Variants in KDM6A observed in about 807,000 individuals in gnomAD.
KDM6A encodes lysine-specific demethylase 6A.
A neutral mutation model predicts 117.6 loss-of-function variants in KDM6A; 11 were observed. That is an observed-to-expected ratio of 0.09 (90% CI 0.06 to 0.15). The LOEUF is 0.15. Ranked by LOEUF, KDM6A falls within the 10% of genes least tolerant of loss-of-function variation. The pLI is 1.00. For missense variants in KDM6A, 799 were observed against 1,077.3 expected (o/e 0.74, Z 3.62); for synonymous variants, 384 against 396.1 (o/e 0.97, Z 0.36).
At chrX:45,029,234 A>G (rs995657951) in intron 6 of KDM6A, among the ~76,000 whole-genome samples, 19 of 110,653 alleles carry the variant, frequency 1.7e-4, no homozygotes, top group Non-Finnish European at 3.6e-4. Context: ...CAGGAGTTTG[A>G]GAGTTGCTTG....
rs368899185 is a variant in KDM6A at position 44,926,961 on chromosome X, A to G, written c.226-34323A>G. 2.3e-4 allele frequency among the ~76,000 whole-genome samples: 26 copies of G among 111,627 alleles called. No homozygotes were observed. The East Asian group carries it at 6.7e-3, about 29-fold the overall frequency. On this transcript the variant is annotated intron_variant, in intron 2 of 29. Coordinates refer to ENST00000611820, the MANE Select transcript of KDM6A (RefSeq NM_001291415.2). The stretch of plus-strand genomic sequence containing the variant: ...CCCAGTCTGTAAAATGAGAGAATAA[A>G]TAGTTACCTTGCGCAAGGGCTGTTG...
At chrX:44,896,393 A>G (rs183733266) in intron 2 of KDM6A, among the ~76,000 whole-genome samples, 129 of 111,332 alleles carry the variant, frequency 1.2e-3, no homozygotes, top group Middle Eastern at 4.6e-3. Flanking sequence ...AAATTTTCTT[A>G]AGTGTACTTA....
chrX:44,971,656 C>T (rs2039347860), intron 3 of KDM6A, among the ~76,000 whole-genome samples: 1 of 111,075 alleles, frequency 9.0e-6, no homozygotes, highest in Non-Finnish European at 1.9e-5. Flanking sequence ...ACAGAGGAGG[C>T]AGCCCTGAGC....
In KDM6A at chrX:45,111,421, A is replaced by G; in HGVS notation, c.*10A>G. On this transcript the variant is annotated 3_prime_UTR_variant, in exon 30 of 30. Coordinates refer to ENST00000611820, the MANE Select transcript of KDM6A (RefSeq NM_001291415.2). ...ATCCGCCTCATCTTGATATTGTTCC[A>G]TGGACATTAAATGAGACCTTTTCTG... The G allele has an allele frequency of 1.7e-6, 2 of 1,182,697 alleles. No homozygotes were observed. Among genetic ancestry groups the G allele is most frequent in the Non-Finnish European group, 2.3e-6 (2 of 869,941 alleles).
chrX:45,070,189 A>G lies in KDM6A; in HGVS notation c.2690A>G (p.Asn897Ser), dbSNP rs2148053912. Residue 897 changes from asparagine (N) to serine (S), a missense_variant, in exon 18 of 30, where the codon AAC becomes AGC. Around this residue, in one of 8 missense-constraint regions of KDM6A, gnomAD observed 291 missense variants for 437.9 expected, o/e 0.66. Coordinates refer to ENST00000611820, the MANE Select transcript of KDM6A (RefSeq NM_001291415.2). Reference protein sequence around the residue: ...QTTTNSVTSLNSPHSGLHTIN... With the variant: ...QTTTNSVTSLSSPHSGLHTIN... ...ACCACAAACAGTGTTACCAGCCTTA[A>G]CAGCCCTCACAGTGGGCTACACACA... is the stretch of plus-strand genomic sequence containing the variant. The G allele has an allele frequency of 8.3e-7, 1 of 1,211,382 alleles. No homozygotes were observed. The highest frequency in any genetic ancestry group is 3.0e-5 in the East Asian group (1 of 33,835).
chrX:44,901,402 A>G (rs893445097), intron 2 of KDM6A, among the ~76,000 whole-genome samples: 3 of 110,719 alleles, frequency 2.7e-5, no homozygotes, highest in African/African-American at 9.9e-5. Flanking sequence ...TAGTGGCCTA[A>G]CGTGGTTTGT....
chrX:45,003,394 CTTTTTTTTTT>C (rs397896934), intron 4 of KDM6A, among the ~76,000 whole-genome samples: 1 of 75,547 alleles, frequency 1.3e-5, no homozygotes, highest in Non-Finnish European at 2.5e-5. Context: ...AATTATCCTT[CTTTTTTTTTT>C]TTTTTTTTTT....
intron 27 of KDM6A, among the ~76,000 whole-genome samples, chrX:45,095,772 ACTTCT>A (rs1216212161): frequency 8.9e-6 from 1 of 111,830 alleles, no homozygotes; most frequent in East Asian, 2.8e-4. Flanking sequence ...TAAGCCCAAC[ACTTCT>A]CTTGTTGAGG....
chrX:44,998,951 G>A (rs2041000586), intron 4 of KDM6A, among the ~76,000 whole-genome samples: 1 of 111,667 alleles, frequency 9.0e-6, no homozygotes, highest in Admixed American at 9.5e-5. Flanking sequence ...AAGACCCGCA[G>A]TGGATGCCTG....
intron 4 of KDM6A, among the ~76,000 whole-genome samples, chrX:45,002,861 G>GCC (rs1169401246): frequency 2.0e-3 from 45 of 21,990 alleles, no homozygotes; most frequent in Admixed American, 3.4e-3. Flanking sequence ...TCCCCTCCCC[G>GCC]CCCCCCCCCC....
At chrX:45,002,082 A>G (rs2041171207) in intron 4 of KDM6A, among the ~76,000 whole-genome samples, 1 of 111,326 alleles carries the variant, frequency 9.0e-6, no homozygotes, top group Non-Finnish European at 1.9e-5. Flanking sequence ...AGTGGTCTTT[A>G]TAGCCCTTGG....
chrX:45,048,408 C>A (rs1464199452), intron 8 of KDM6A, among the ~76,000 whole-genome samples: 1 of 111,123 alleles, frequency 9.0e-6, no homozygotes, highest in Non-Finnish European at 1.9e-5. Flanking sequence ...GTAATGGCAG[C>A]AACTGAAATC....
chrX:45,034,076 A>G (rs189800365), intron 6 of KDM6A, among the ~76,000 whole-genome samples: 22 of 111,077 alleles, frequency 2.0e-4, no homozygotes, highest in African/African-American at 5.6e-4. Context: ...ATTTGAATAT[A>G]TATTTGTAGG....
At chrX:44,979,006 T>G (rs761401851) in intron 4 of KDM6A, among the ~76,000 whole-genome samples, 8 of 112,500 alleles carry the variant, frequency 7.1e-5, no homozygotes, top group Non-Finnish European at 1.3e-4. Flanking sequence ...TGGGTTGTTT[T>G]CAGCTTTTGG....
At chrX:44,988,279 C>G (rs2040360298) in intron 4 of KDM6A, among the ~76,000 whole-genome samples, 1 of 111,323 alleles carries the variant, frequency 9.0e-6, no homozygotes, top group Non-Finnish European at 1.9e-5. Flanking sequence ...AAGGACTGCT[C>G]TGCATTGGTT....
chrX:44,951,072 C>T (rs2037972511), intron 2 of KDM6A, among the ~76,000 whole-genome samples: 1 of 110,828 alleles, frequency 9.0e-6, no homozygotes, highest in East Asian at 2.8e-4. Flanking sequence ...TTGTATGACC[C>T]GACCCCGGCC....
intron 4 of KDM6A, among the ~76,000 whole-genome samples, chrX:45,005,996 CCCACCA>C: frequency 1.4e-5 from 1 of 69,775 alleles, no homozygotes; most frequent in African/African-American, 5.6e-5. Context: ...CCACCCACCA[CCCACCA>C]CCCACCACCC....
intron 6 of KDM6A, among the ~76,000 whole-genome samples, chrX:45,023,829 C>T (rs2042263820): frequency 9.0e-6 from 1 of 110,579 alleles, no homozygotes; most frequent in Admixed American, 9.7e-5. Flanking sequence ...AGTCCATTAT[C>T]TCATTCTTAT....
At chrX:45,025,538 AGT>A (rs113337435) in intron 6 of KDM6A, among the ~76,000 whole-genome samples, 11,456 of 111,876 alleles carry the variant, frequency 0.1, 553 homozygotes, top group Non-Finnish European at 0.15. Context: ...TATTTGAAGC[AGT>A]GTGCTACCAT....
Sources: allele counts gnomAD v4.1 joint callset (sites outside exome capture counted in the v4.1 genomes callset), GRCh38; gene constraint gnomAD v4.1.1; regional missense constraint gnomAD v4.1.1; transcripts MANE v1.5; gene names NCBI Gene and HGNC (gene_info 2026-07-23, HGNC 2026-07-21).